ELAPOR2: variants seen among roughly 807,000 people sequenced by gnomAD.
The protein encoded by ELAPOR2 is endosome-lysosome associated apoptosis and autophagy regulator family member 2, also known as endosome/lysosome-associated apoptosis and autophagy regulator family member 2.
Under a neutral mutation model 120.7 loss-of-function variants are expected in ELAPOR2, and 89 were observed. The ratio of observed to expected loss-of-function variants is 0.74; its 90% CI spans 0.62 to 0.88. ELAPOR2 has a LOEUF of 0.88. Ranked by LOEUF, ELAPOR2 falls within the 40% of genes least tolerant of loss-of-function variation. The probability of loss-of-function intolerance (pLI) is 0.00; values close to 1 mark genes in which losing one functional copy is unlikely to be tolerated. For missense variants in ELAPOR2, 1,134 were observed against 1,251.6 expected, an observed-to-expected ratio of 0.91 and a Z score of 1.42; for synonymous variants, 444 against 444.9, an observed-to-expected ratio of 1.00 and a Z score of 0.03.
At chr7:86,997,859 T>G (rs1793176787) in intron 1 of ELAPOR2, among the ~76,000 whole-genome samples, 2 of 152,228 alleles carry the variant, frequency 1.3e-5, no homozygotes, top group Non-Finnish European at 2.9e-5. Flanking sequence ...CTAACCTGAG[T>G]GGTTAGCTAT....
chr7:87,000,594 T>C (rs1635011), intron 1 of ELAPOR2, among the ~76,000 whole-genome samples: 62,786 of 152,022 alleles, frequency 0.41, 14,765 homozygotes, highest in African/African-American at 0.65. Context: ...CCTAAGCAAG[T>C]GCCAGCTCCA....
intron 2 of ELAPOR2, among the ~76,000 whole-genome samples, chr7:86,957,795 T>A (rs1791535940): frequency 6.6e-6 from 1 of 152,172 alleles, no homozygotes; most frequent in Non-Finnish European, 1.5e-5. Flanking sequence ...GTTTTGAGAC[T>A]ATAGTAAACT....
Position 86,876,996 on chromosome 7 carries a change from G to A in ELAPOR2, c.*3475C>T, listed in dbSNP as rs1216730804. On this transcript the variant is annotated 3_prime_UTR_variant, in exon 22 of 22. Coordinates refer to ENST00000450689, the MANE Select transcript of ELAPOR2 (RefSeq NM_001142749.3). Reference sequence around the variant, plus strand: ...TGGTTGCTTTCATACTACAATGGCAGAGTTGAGTAAATGCAATAGAGCCCA... The same window carrying A: ...TGGTTGCTTTCATACTACAATGGCAAAGTTGAGTAAATGCAATAGAGCCCA... 6.6e-6 allele frequency: 1 copy of A among 152,138 alleles called. No individual in the cohort carries two copies. The highest frequency in any genetic ancestry group is 1.5e-5 in the Non-Finnish European group (1 of 68,036). The allele number at this position is 152,138 out of a possible 1,614,324, so 9.4% of individuals were successfully genotyped here.
intron 21 of ELAPOR2, among the ~76,000 whole-genome samples, chr7:86,889,798 C>G (rs978321311): frequency 6.6e-6 from 1 of 151,906 alleles, no homozygotes; most frequent in African/African-American, 2.4e-5. Flanking sequence ...TTCCTTGTCC[C>G]CTTTTTGTCC....
intron 1 of ELAPOR2, among the ~76,000 whole-genome samples, chr7:86,966,312 TTATTTATGAGA>T (rs1791900011): frequency 6.6e-6 from 1 of 152,180 alleles, no homozygotes; most frequent in South Asian, 2.1e-4. Context: ...AAATATTTAT[TTATTTATGAGA>T]TATTCCTCTT....
At chr7:86,903,644 G>A (rs1481257283) in intron 18 of ELAPOR2, among the ~76,000 whole-genome samples, 1 of 152,156 alleles carries the variant, frequency 6.6e-6, no homozygotes, top group African/African-American at 2.4e-5. Context: ...CCCCTGGAGT[G>A]TTTGACCCTT....
At chr7:86,936,122 C>A (rs111944252) in intron 8 of ELAPOR2, among the ~76,000 whole-genome samples, 65 of 152,042 alleles carry the variant, frequency 4.3e-4, no homozygotes, top group African/African-American at 1.5e-3. Context: ...CAGAGAGAAC[C>A]AAAACATAGT....
intron 1 of ELAPOR2, among the ~76,000 whole-genome samples, chr7:87,052,807 T>TTTTGTTTTGC (rs1253715244): frequency 2.0e-5 from 3 of 151,790 alleles, no homozygotes; most frequent in Middle Eastern, 3.4e-3. Context: ...TTTTGTTTTG[T>TTTTGTTTTGC]TTTGTTTGAG....
chr7:87,010,300 C>T (rs558229624), intron 1 of ELAPOR2, among the ~76,000 whole-genome samples: 5 of 152,254 alleles, frequency 3.3e-5, no homozygotes, highest in African/African-American at 1.2e-4. Context: ...ACTGATTTAA[C>T]AGATATAAAT....
chr7:87,014,238 C>T (rs747488697), intron 1 of ELAPOR2, among the ~76,000 whole-genome samples: 19 of 152,034 alleles, frequency 1.2e-4, no homozygotes, highest in Non-Finnish European at 2.1e-4. Context: ...AATGGAAACA[C>T]ATGTAAAACA....
chr7:86,997,302 A>C (rs1338995805), intron 1 of ELAPOR2, among the ~76,000 whole-genome samples: 1 of 143,482 alleles, frequency 7.0e-6, no homozygotes, highest in Non-Finnish European at 1.6e-5. Context: ...GCAGATGCCC[A>C]TCACAAAAAG....
Position 86,880,414 on chromosome 7 carries a change from T to G in ELAPOR2, c.*57A>C. 1 of 1,269,204 alleles carries G rather than the reference T, an allele frequency of 7.9e-7. No individual in the cohort carries two copies. Among genetic ancestry groups the G allele is most frequent in the Non-Finnish European group, 1.2e-6 (1 of 867,674 alleles). 78.6% of individuals were successfully genotyped at this position (1,269,204 alleles called of 1,614,324 possible). A position where few individuals can be genotyped will look rare whatever the true frequency, so the allele number is the denominator to read the frequency against. On this transcript the variant is annotated 3_prime_UTR_variant, in exon 22 of 22. Transcript: ENST00000450689. ...GAGGACAGACCCTAAAATATGGTCC[T>G]GTAAAACTAGAGCAGGTTTCTTTGT...
intron 1 of ELAPOR2, among the ~76,000 whole-genome samples, chr7:87,008,815 A>G (rs902501753): frequency 6.6e-6 from 1 of 152,234 alleles, no homozygotes; most frequent in Admixed American, 6.5e-5. Context: ...AGCAAAATGT[A>G]AACAGTGAAC....
intron 1 of ELAPOR2, among the ~76,000 whole-genome samples, chr7:87,028,069 T>A (rs533304280): frequency 3.9e-5 from 6 of 152,322 alleles, no homozygotes; most frequent in Admixed American, 6.5e-5. Context: ...TGTTGAAGTA[T>A]ACTTTGTTCA....
chr7:87,058,906 G>C (rs936488426), intron 1 of ELAPOR2, among the ~76,000 whole-genome samples: 1 of 152,082 alleles, frequency 6.6e-6, no homozygotes, highest in African/African-American at 2.4e-5. Context: ...GAGACAGGGG[G>C]AGGAGGAGCG....
At chr7:86,900,109 A>G (rs1166256252) in intron 18 of ELAPOR2, among the ~76,000 whole-genome samples, 3 of 152,128 alleles carry the variant, frequency 2.0e-5, no homozygotes, top group African/African-American at 4.8e-5. Flanking sequence ...TTCCTCCCCA[A>G]ATTATCCTAC....
intron 1 of ELAPOR2, among the ~76,000 whole-genome samples, chr7:87,021,510 ATG>A (rs200639384): frequency 0.016 from 2,430 of 152,282 alleles, 71 homozygotes; most frequent in African/African-American, 0.055. Context: ...CCTCTTAAAA[ATG>A]TGGGTTGTTT....
At chr7:87,023,746 A>AGT (rs1021532352) in intron 1 of ELAPOR2, among the ~76,000 whole-genome samples, 3 of 152,048 alleles carry the variant, frequency 2.0e-5, no homozygotes, top group African/African-American at 7.2e-5. Flanking sequence ...TTCATTGAGC[A>AGT]GTGGTTTGTA....
intron 18 of ELAPOR2, among the ~76,000 whole-genome samples, chr7:86,902,166 TTTG>T (rs2115961342): frequency 6.7e-6 from 1 of 149,976 alleles, no homozygotes; most frequent in East Asian, 1.9e-4. Flanking sequence ...GGAGTCTTTT[TTTG>T]TTGTTTGTTT....
Sources: allele counts gnomAD v4.1 joint callset (sites outside exome capture counted in the v4.1 genomes callset), GRCh38; gene constraint gnomAD v4.1.1; transcripts MANE v1.5; gene names NCBI Gene and HGNC (gene_info 2026-07-23, HGNC 2026-07-21).